Variants in DYNC2I1 observed in about 807,000 individuals in gnomAD.
DYNC2I1 encodes the protein cytoplasmic dynein 2 intermediate chain 1.
In DYNC2I1, 89 loss-of-function variants were observed where a neutral mutation model predicts 133.4. That is an observed-to-expected ratio of 0.67 (90% CI 0.56 to 0.80). DYNC2I1 has a LOEUF of 0.80. Ranked by LOEUF, DYNC2I1 falls within the 30% of genes least tolerant of loss-of-function variation. DYNC2I1 has a pLI of 0.00. For synonymous variants in DYNC2I1, 504 were observed against 484.3 expected, an observed-to-expected ratio of 1.04 and a Z score of -0.54; for missense variants, 1,291 against 1,314.5, an observed-to-expected ratio of 0.98 and a Z score of 0.28.
At chr7:158,888,216 G>C (rs1844805306) in intron 7 of DYNC2I1, among the ~76,000 whole-genome samples, 1 of 151,410 alleles carries the variant, frequency 6.6e-6, no homozygotes, top group Non-Finnish European at 1.5e-5. Context: ...GTAGAGATGG[G>C]GTTTCACCAT....
intron 1 of DYNC2I1, among the ~76,000 whole-genome samples, chr7:158,868,991 A>G (rs1015694347): frequency 1.3e-5 from 2 of 152,126 alleles, no homozygotes; most frequent in Admixed American, 1.3e-4. Context: ...GGTGTGAGAC[A>G]ACAGCAGCCT....
chr7:158,949,239 GAGTCACACAT>G (rs531002385), downstream of DYNC2I1, among the ~76,000 whole-genome samples: 212 of 152,362 alleles, frequency 1.4e-3, 1 homozygote, highest in African/African-American at 4.6e-3. Context: ...TGAAGATACA[GAGTCACACAT>G]AGTCACACAT....
chr7:158,848,339 T>C, the DYNC2I1 span, among the ~76,000 whole-genome samples: 13 of 152,214 alleles, frequency 8.5e-5, no homozygotes, highest in African/African-American at 3.1e-4. Flanking sequence ...AATATGTCTA[T>C]TATCCAGGTC....
chr7:158,937,622 G>GAAAAAAAAAA (rs71189438), intron 23 of DYNC2I1, among the ~76,000 whole-genome samples: 24 of 109,458 alleles, frequency 2.2e-4, no homozygotes, highest in African/African-American at 7.7e-4. Context: ...ACTGTCTCAA[G>GAAAAAAAAAA]AAAAAAAAAA....
rs1843372932 is a variant in DYNC2I1, at chr7:158,876,536, T to C, written c.491-73T>C. Reference sequence around the variant, plus strand: ...AATATAAAATGTGCAATACCATCCATAGCAAGATGTTAAAAGAGTTTTTTG... The same window carrying C: ...AATATAAAATGTGCAATACCATCCACAGCAAGATGTTAAAAGAGTTTTTTG... On this transcript the variant is annotated intron_variant, in intron 3 of 24. Coordinates refer to ENST00000407559, the MANE Select transcript of DYNC2I1 (RefSeq NM_018051.5). 4.7e-6 allele frequency: 7 copies of C among 1,488,464 alleles called. No homozygotes were observed. In the South Asian group the frequency reaches 7.0e-5, roughly 15 times the overall value. 92.2% of individuals were successfully genotyped at this position (1,488,464 alleles called of 1,614,324 possible). A position where few individuals can be genotyped will look rare whatever the true frequency, so the allele number is the denominator to read the frequency against.
At chr7:158,953,726 A>G (rs2129490431) in intron 4 of DYNC2I1, among the ~76,000 whole-genome samples, 1 of 152,078 alleles carries the variant, frequency 6.6e-6, no homozygotes, top group South Asian at 2.1e-4. Context: ...GTGTATATAT[A>G]TGTTACATGT....
At chr7:158,958,238 T>G (rs574786413), downstream of DYNC2I1, among the ~76,000 whole-genome samples, 4 of 152,166 alleles carry the variant, frequency 2.6e-5, no homozygotes, top group South Asian at 8.3e-4. Context: ...TGCACCTTGA[T>G]TCCAGAAATG....
At chr7:158,932,508 C>T (rs547127877) in intron 21 of DYNC2I1, among the ~76,000 whole-genome samples, 1 of 151,462 alleles carries the variant, frequency 6.6e-6, no homozygotes, top group Admixed American at 6.6e-5. Context: ...CACGAGCTGT[C>T]AGTGGGTCTG....
At chr7:158,843,174 A>G in the DYNC2I1 span, among the ~76,000 whole-genome samples, 1 of 152,158 alleles carries the variant, frequency 6.6e-6, no homozygotes, top group Admixed American at 6.5e-5. Context: ...AGCTTACTGC[A>G]GCGTCCACCT....
chr7:158,867,106 T>C (rs1475526339), intron 1 of DYNC2I1, among the ~76,000 whole-genome samples: 1 of 151,082 alleles, frequency 6.6e-6, no homozygotes, highest in Non-Finnish European at 1.5e-5. Flanking sequence ...AAAAATTGAA[T>C]AATTATGGTA....
downstream of DYNC2I1, among the ~76,000 whole-genome samples, chr7:158,949,931 C>T (rs1441710870): frequency 9.2e-5 from 14 of 151,914 alleles, no homozygotes; most frequent in Admixed American, 7.9e-4. Flanking sequence ...GCCACCACAC[C>T]TGGCTAATTT....
intron 8 of DYNC2I1, 129 bp from the exon 9 acceptor site, chr7:158,901,610 C>A: frequency 1.6e-6 from 1 of 639,026 alleles, no homozygotes; most frequent in East Asian, 3.1e-5. Context: ...ATTAGTTTTA[C>A]AAATACCTAG....
rs769400770 is a variant in DYNC2I1 at position 158,945,533 on chromosome 7, T to A, written c.3003-48T>A. The A allele has an allele frequency of 9.7e-6, 15 of 1,540,762 alleles. No individual in the cohort carries two copies. The highest frequency in any genetic ancestry group is 1.3e-5 in the Non-Finnish European group (15 of 1,141,092). ...TTTTGAAGACTCAGACAGAACCGAA[T>A]GTCCCTTTGTGTGCACTGACCCTCT... On this transcript the variant is annotated intron_variant, in intron 24 of 24. Transcript: ENST00000407559. The surrounding 1 kb of genome is among the most constrained non-coding windows in gnomAD (Gnocchi z 4.1).
intron 5 of DYNC2I1, among the ~76,000 whole-genome samples, chr7:158,881,338 C>G (rs572222591): frequency 3.3e-5 from 5 of 152,188 alleles, no homozygotes; most frequent in African/African-American, 9.7e-5. Context: ...CCCGCGTCTA[C>G]GGTGTGGAAA....
upstream of DYNC2I1, among the ~76,000 whole-genome samples, chr7:158,853,103 CCAGGG>C (rs1326985918): frequency 6.6e-6 from 1 of 152,186 alleles, no homozygotes; most frequent in Non-Finnish European, 1.5e-5. Context: ...CAGGACAGAT[CCAGGG>C]CAGGCAGCCA....
intron 13 of DYNC2I1, 72 bp downstream of exon 13, chr7:158,913,168 C>G (rs1847661777): frequency 1.7e-6 from 2 of 1,153,310 alleles, no homozygotes; most frequent in African/African-American, 3.1e-5. Context: ...TTACTTATTC[C>G]CTTTCTGGTT....
In DYNC2I1 at chr7:158,945,653, G is replaced by C. The variant is rs1851812282; in HGVS notation, c.3075G>C (p.Arg1025Ser). 1.2e-6 allele frequency: 2 copies of C among 1,612,300 alleles called. No homozygotes were observed. Among genetic ancestry groups the C allele is most frequent in the South Asian group, 2.2e-5 (2 of 90,662 alleles). ...GCTTCCTGGCCCTGGTGCTGGCCAGGGCGTCTGGCTCCATCGACATCCAGC... is the reference window on the plus strand; with the variant it reads ...GCTTCCTGGCCCTGGTGCTGGCCAGCGCGTCTGGCTCCATCGACATCCAGC... Reference protein sequence around the residue: ...GGSFLALVLARASGSIDIQHL... With the variant: ...GGSFLALVLASASGSIDIQHL... The change falls in exon 25 of 25, where the codon AGG (arginine) becomes AGC (serine). Residue 1025 changes from arginine (R) to serine (S), a missense_variant. Transcript: ENST00000407559. This position sits in a 1 kb window ranked among gnomAD's most constrained non-coding sequence, Gnocchi z 4.1.
At chr7:158,896,872 T>G (rs1223073518) in intron 8 of DYNC2I1, among the ~76,000 whole-genome samples, 9 of 152,222 alleles carry the variant, frequency 5.9e-5, no homozygotes, top group African/African-American at 1.9e-4. Flanking sequence ...TGTAGTTTTT[T>G]TTTTTTTTCT....
Position 158,876,782 on chromosome 7 carries a change from T to C in DYNC2I1, c.573+91T>C, listed in dbSNP as rs1843397565. The C allele has an allele frequency of 5.5e-6, 8 of 1,443,792 alleles. No homozygotes were observed. The South Asian group carries it at 1.1e-4, about 20-fold the overall frequency. 89.4% of individuals were successfully genotyped at this position (1,443,792 alleles called of 1,614,324 possible). A position where few individuals can be genotyped will look rare whatever the true frequency, so the allele number is the denominator to read the frequency against. ...TATTGTTGGAAGCATTTTTAGAAAA[T>C]GTCCTAAGCCAGGATTTCAGTCCTG... On this transcript the variant is annotated intron_variant, in intron 4 of 24. Coordinates refer to ENST00000407559, the MANE Select transcript of DYNC2I1 (RefSeq NM_018051.5).
Sources: allele counts gnomAD v4.1 joint callset (sites outside exome capture counted in the v4.1 genomes callset), GRCh38; gene constraint gnomAD v4.1.1; non-coding constraint Gnocchi (gnomAD v3.1); transcripts MANE v1.5; gene names NCBI Gene and HGNC (gene_info 2026-07-23, HGNC 2026-07-21).